CTTNBP2NL: variants seen among roughly 807,000 people sequenced by gnomAD.
CTTNBP2NL encodes CTTNBP2 N-terminal like.
A neutral mutation model predicts 32.5 loss-of-function variants in CTTNBP2NL; 16 were observed. The ratio of observed to expected loss-of-function variants is 0.49; its 90% CI spans 0.33 to 0.75. The LOEUF is 0.75. Among genes scored for constraint, CTTNBP2NL ranks in the 30% least tolerant of loss-of-function variants. CTTNBP2NL has a pLI of 0.02. For synonymous variants in CTTNBP2NL, 298 were observed against 289.4 expected (o/e 1.03, Z -0.30); for missense variants, 645 against 756.0 (o/e 0.85, Z 1.72).
chr1:112,429,032 A>G (rs796910539), intron 3 of CTTNBP2NL, among the ~76,000 whole-genome samples: 1 of 152,326 alleles, frequency 6.6e-6, no homozygotes, highest in African/African-American at 2.4e-5. Flanking sequence ...AGCTATTCCC[A>G]AAGTTTATTC....
chr1:112,441,538 GT>G (rs1190774220), intron 3 of CTTNBP2NL, among the ~76,000 whole-genome samples: 1 of 152,178 alleles, frequency 6.6e-6, no homozygotes, highest in Non-Finnish European at 1.5e-5. Flanking sequence ...GTAGAAATGT[GT>G]TTTCATATCT....
At chr1:112,455,544 T>G (rs573261977) in intron 5 of CTTNBP2NL, among the ~76,000 whole-genome samples, 2 of 152,362 alleles carry the variant, frequency 1.3e-5, no homozygotes, top group South Asian at 4.1e-4. Flanking sequence ...TTGTGTGTGT[T>G]TGTTTCTGAG....
chr1:112,421,005 G>C (rs1378202086), intron 3 of CTTNBP2NL, among the ~76,000 whole-genome samples: 1 of 152,132 alleles, frequency 6.6e-6, no homozygotes, highest in Non-Finnish European at 1.5e-5. Context: ...AAAATGTTAT[G>C]GTTATTACGA....
intron 2 of CTTNBP2NL, among the ~76,000 whole-genome samples, chr1:112,415,420 G>T (rs933097245): frequency 6.6e-6 from 1 of 152,028 alleles, no homozygotes; most frequent in Non-Finnish European, 1.5e-5. Flanking sequence ...ATATCAGAAT[G>T]TTTTATATAC....
chr1:112,407,747 T>C (rs1648710987), intron 1 of CTTNBP2NL, among the ~76,000 whole-genome samples: 1 of 152,166 alleles, frequency 6.6e-6, no homozygotes, highest in South Asian at 2.1e-4. Context: ...TATATACTGT[T>C]TAATATTGGA....
At chr1:112,434,385 C>G (rs1649664670) in intron 3 of CTTNBP2NL, among the ~76,000 whole-genome samples, 1 of 152,204 alleles carries the variant, frequency 6.6e-6, no homozygotes. Context: ...CTAAATACTT[C>G]AAAGTATCTG....
At position 112,456,797 on chromosome 1, in the gene CTTNBP2NL, G is replaced by A. The variant is rs747641159; in HGVS notation, c.1305G>A (p.Lys435=). The change falls in exon 6 of 6, where the codon AAG becomes AAA. Residue 435 remains lysine (K), a synonymous_variant. Transcript: ENST00000271277. The part of the protein sequence containing the change: ...SSPCSSPVLT[K]RLLGSSASSP... Reference sequence around the variant, plus strand: ...CTTGCTCTTCGCCGGTACTCACTAAGCGTTTATTGGGGTCATCAGCTAGCA... The same window carrying A: ...CTTGCTCTTCGCCGGTACTCACTAAACGTTTATTGGGGTCATCAGCTAGCA... The A allele has an allele frequency of 1.2e-6, 2 of 1,614,106 alleles. No individual in the cohort carries two copies. The highest frequency in any genetic ancestry group is 1.7e-5 in the Admixed American group (1 of 60,006).
At chr1:112,405,178 A>G (rs762723588) in intron 1 of CTTNBP2NL, among the ~76,000 whole-genome samples, 2 of 152,250 alleles carry the variant, frequency 1.3e-5, no homozygotes, top group Non-Finnish European at 2.9e-5. Context: ...TTATTAATAT[A>G]AAAGTTGTTA....
At chr1:112,428,069 G>A (rs1005341921) in intron 3 of CTTNBP2NL, among the ~76,000 whole-genome samples, 5 of 151,740 alleles carry the variant, frequency 3.3e-5, no homozygotes, top group South Asian at 2.1e-4. Context: ...TCAATTATAA[G>A]CATTTATATA....
rs560734947 is a variant in CTTNBP2NL at position 112,459,360 on chromosome 1, T to G, written c.*1948T>G. The G allele has an allele frequency of 6.6e-6, 1 of 152,360 alleles. No homozygotes were observed. Among genetic ancestry groups the G allele is most frequent in the South Asian group, 2.1e-4 (1 of 4,826 alleles). 9.4% of individuals were successfully genotyped at this position (152,360 alleles called of 1,614,324 possible). On this transcript the variant is annotated 3_prime_UTR_variant, in exon 6 of 6. Transcript: ENST00000271277. ...CAGTGGTTATATGATTTTGTGTCCA[T>G]ACAGGAGAGGCCTTGGTGTCTTCAC... is the stretch of plus-strand genomic sequence containing the variant.
At chr1:112,430,181 C>A (rs1649519801) in intron 3 of CTTNBP2NL, among the ~76,000 whole-genome samples, 4 of 88,860 alleles carry the variant, frequency 4.5e-5, no homozygotes, top group Non-Finnish European at 2.6e-5. Context: ...CTTTTCTTTT[C>A]TTTTCTTTTC....
chr1:112,457,706 C>CA lies in CTTNBP2NL; in HGVS notation c.*294_*295insA, dbSNP rs1342802838. ...GAATCACCAGGTGGTGATTTGCTATCTATTTGAGAACTAGAATCACTCAAC... is the reference window on the plus strand; with the variant it reads ...GAATCACCAGGTGGTGATTTGCTATCATATTTGAGAACTAGAATCACTCAAC... On this transcript the variant is annotated 3_prime_UTR_variant, in exon 6 of 6. Transcript: ENST00000271277. The CA allele has an allele frequency of 7.0e-6, 2 of 286,354 alleles. No homozygotes were observed. Among genetic ancestry groups the CA allele is most frequent in the Non-Finnish European group, 6.5e-6 (1 of 153,346 alleles). The allele number at this position is 286,354 out of a possible 1,614,324, so 17.7% of individuals were successfully genotyped here.
intron 3 of CTTNBP2NL, among the ~76,000 whole-genome samples, chr1:112,438,769 G>T (rs1649812986): frequency 6.6e-6 from 1 of 152,196 alleles, no homozygotes; most frequent in African/African-American, 2.4e-5. Context: ...AACAGTTGCA[G>T]TGGTCACCTT....
At chr1:112,411,021 A>G (rs1648846737) in intron 1 of CTTNBP2NL, among the ~76,000 whole-genome samples, 1 of 152,178 alleles carries the variant, frequency 6.6e-6, no homozygotes, top group Admixed American at 6.5e-5. Context: ...CCTTTTTCTG[A>G]ATATCCTTGG....
At chr1:112,425,752 A>G (rs1412089879) in intron 3 of CTTNBP2NL, among the ~76,000 whole-genome samples, 2 of 151,834 alleles carry the variant, frequency 1.3e-5, no homozygotes, top group Non-Finnish European at 2.9e-5. Context: ...AACCCCGGCT[A>G]CTAGGGAGGC....
chr1:112,396,098 T>A (rs1444201309), upstream of CTTNBP2NL: 1 of 152,206 alleles, frequency 6.6e-6, no homozygotes, highest in Non-Finnish European at 1.5e-5. Flanking sequence ...TGAATGACTT[T>A]GGAGAAGCCC....
intron 3 of CTTNBP2NL, among the ~76,000 whole-genome samples, chr1:112,435,628 A>C (rs1277834289): frequency 6.6e-6 from 1 of 152,186 alleles, no homozygotes; most frequent in African/African-American, 2.4e-5. Flanking sequence ...AAGAAGGAAC[A>C]ATTTGTTCTT....
At chr1:112,442,486 A>T (rs1649923177) in intron 3 of CTTNBP2NL, among the ~76,000 whole-genome samples, 1 of 152,200 alleles carries the variant, frequency 6.6e-6, no homozygotes. Flanking sequence ...ATTCCTAAAC[A>T]CATTTTCTTC....
chr1:112,424,720 A>G (rs958333175), intron 3 of CTTNBP2NL, among the ~76,000 whole-genome samples: 21 of 152,102 alleles, frequency 1.4e-4, no homozygotes, highest in African/African-American at 5.1e-4. Flanking sequence ...CTTTTAGTGT[A>G]TAGCTTTTTC....
Sources: gnomAD v4.1 joint callset for allele counts (sites outside exome capture counted in the v4.1 genomes callset) on GRCh38, gnomAD v4.1.1 for gene constraint, MANE v1.5 for transcripts, NCBI Gene and HGNC (gene_info 2026-07-23, HGNC 2026-07-21) for gene names.